The following KNDC1 variants were observed in gnomAD, a reference collection of about 807,000 sequenced individuals.
The protein encoded by KNDC1 is kinase non-catalytic C-lobe domain containing 1, also known as kinase non-catalytic C-lobe domain-containing protein 1.
KNDC1 carries 106 observed loss-of-function variants against 172.8 expected under a neutral mutation model. That is an observed-to-expected ratio of 0.61 (90% CI 0.52 to 0.72). KNDC1 has a LOEUF of 0.72. Among genes scored for constraint, KNDC1 ranks in the 30% least tolerant of loss-of-function variants. The pLI is 0.00. For synonymous variants in KNDC1, 1,083 were observed against 1,062.2 expected (o/e 1.02, Z -0.38); for missense variants, 2,325 against 2,394.5 (o/e 0.97, Z 0.61).
intron 9 of KNDC1, among the ~76,000 whole-genome samples, chr10:133,193,327 C>T (rs1469812061): frequency 6.6e-6 from 1 of 152,186 alleles, no homozygotes; most frequent in Non-Finnish European, 1.5e-5. Flanking sequence ...GAGTTTGAGA[C>T]CAGCCTGGCC....
chr10:133,188,692 C>A, intron 7 of KNDC1, 39 bp downstream of exon 7: 1 of 1,057,922 alleles, frequency 9.5e-7, no homozygotes. Flanking sequence ...GCCGTCCCCA[C>A]CCCCCACTGC....
Position 133,218,964 on chromosome 10 carries a change from C to G in KNDC1, c.4800+11C>G, listed in dbSNP as rs771905104. The stretch of plus-strand genomic sequence containing the variant: ...GTGAGGCAGTCCCCTGTGCGTCCCC[C>G]TCGGGCCCCAAGGCGGGGGTGGGTA... On this transcript the variant is annotated intron_variant, in intron 27 of 29. Coordinates refer to ENST00000304613, the MANE Select transcript of KNDC1 (RefSeq NM_152643.8). The G allele has an allele frequency of 1.2e-6, 2 of 1,613,762 alleles. No individual in the cohort carries two copies. The highest frequency in any genetic ancestry group is 1.7e-6 in the Non-Finnish European group (2 of 1,179,896).
In KNDC1 at chr10:133,224,655, G is replaced by T. The variant is rs1490357969; in HGVS notation, c.5019-4G>T. On this transcript the variant is annotated splice_region_variant and splice_polypyrimidine_tract_variant and intron_variant, in intron 29 of 29. Transcript: ENST00000304613. This position sits in a 1 kb window ranked among gnomAD's most constrained non-coding sequence, Gnocchi z 5.4. ...ACTAACGTCTCTTCTTTCCTCAACG[G>T]AAGGAACATCGCAAAGGTGGTGAGC... is the stretch of plus-strand genomic sequence containing the variant. 3 of 1,612,984 alleles carry T rather than the reference G, an allele frequency of 1.9e-6. No individual in the cohort carries two copies. The African/African-American group carries it at 4.0e-5, about 22-fold the overall frequency.
At chr10:133,186,775 T>C (rs1426851103) in intron 6 of KNDC1, 101 bp downstream of exon 6, 9 of 805,740 alleles carry the variant, frequency 1.1e-5, no homozygotes, top group Non-Finnish European at 1.7e-5. Context: ...ACTCAGAGAA[T>C]TAACCTTCAC....
intron 1 of KNDC1, among the ~76,000 whole-genome samples, chr10:133,164,584 C>G (rs929971443): frequency 5.9e-5 from 9 of 152,348 alleles, no homozygotes; most frequent in Admixed American, 3.3e-4. Flanking sequence ...GCCCATTAAA[C>G]TCCTGTCGAG....
intron 26 of KNDC1, among the ~76,000 whole-genome samples, chr10:133,218,222 G>T (rs1042171894): frequency 6.6e-6 from 1 of 152,234 alleles, no homozygotes; most frequent in Non-Finnish European, 1.5e-5. Flanking sequence ...TGAAGCCCTG[G>T]AAGTGGATCC....
rs928294457 is a variant in KNDC1 at position 133,209,892 on chromosome 10, C to T, written c.3795-719C>T. ...TTCCTGACCGTGGCCGTCGGGCTCC[C>T]AGGACAGTCCCAGACCTGCAGGCGG... is the stretch of plus-strand genomic sequence containing the variant. On this transcript the variant is annotated intron_variant, in intron 20 of 29. Coordinates refer to ENST00000304613, the MANE Select transcript of KNDC1 (RefSeq NM_152643.8). This position sits in a 1 kb window ranked among gnomAD's most constrained non-coding sequence, Gnocchi z 4.9. 5.9e-5 allele frequency among the ~76,000 whole-genome samples: 9 copies of T among 152,094 alleles called. No homozygotes were observed. Among genetic ancestry groups the T allele is most frequent in the African/African-American group, 2.2e-4 (9 of 41,384 alleles).
chr10:133,176,190 G>A (rs996364153), intron 3 of KNDC1, among the ~76,000 whole-genome samples: 2 of 151,870 alleles, frequency 1.3e-5, no homozygotes, highest in African/African-American at 4.8e-5. Context: ...ATAGATGGGT[G>A]GGTGGATGTG....
At chr10:133,165,906 C>A (rs1313766082) in intron 1 of KNDC1, among the ~76,000 whole-genome samples, 1 of 152,124 alleles carries the variant, frequency 6.6e-6, no homozygotes, top group Non-Finnish European at 1.5e-5. Flanking sequence ...GCTGGAAGGG[C>A]CTGGGAAATG....
intron 3 of KNDC1, among the ~76,000 whole-genome samples, chr10:133,178,331 G>A (rs1405739497): frequency 6.6e-6 from 1 of 152,202 alleles, no homozygotes; most frequent in African/African-American, 2.4e-5. Flanking sequence ...GCTTTCAGTG[G>A]ATAGTGCTTT....
intron 28 of KNDC1, 89 bp from the exon 29 acceptor site, chr10:133,219,866 G>A: frequency 7.5e-7 from 1 of 1,327,404 alleles, no homozygotes. Flanking sequence ...GACCCGCTGG[G>A]ACTGGTTGGG....
chr10:133,196,910 T>C (rs1854207674), intron 10 of KNDC1, 148 bp from the exon 11 acceptor site: 7 of 638,252 alleles, frequency 1.1e-5, no homozygotes, highest in Admixed American at 2.6e-5. Flanking sequence ...GAAAGGCTTG[T>C]CCGGGGCCTG....
chr10:133,206,924 T>C lies in KNDC1; in HGVS notation c.3550T>C (p.Phe1184Leu). 2 of 1,614,000 alleles carry C rather than the reference T, an allele frequency of 1.2e-6. No individual in the cohort carries two copies. Among genetic ancestry groups the C allele is most frequent in the Non-Finnish European group, 1.7e-6 (2 of 1,179,988 alleles). Residue 1184 changes from phenylalanine to leucine, a missense_variant, in exon 19 of 30, where the codon TTC (phenylalanine) becomes CTC (leucine). Physicochemically the swap from Phe to Leu is conservative, Grantham distance 22 (BLOSUM62 0). Coordinates refer to ENST00000304613, the MANE Select transcript of KNDC1 (RefSeq NM_152643.8). ...QLEEMKSRVQ[F>L]LSLVKKYLQV... is the part of the protein sequence containing the mutation. ...AGAAGAAATGAAATCCAGGGTGCAA[T>C]TCCTCAGCTTGGTCAAGAAGTATCT...
chr10:133,220,993 C>A (rs1189209494), intron 29 of KNDC1, among the ~76,000 whole-genome samples: 1 of 152,120 alleles, frequency 6.6e-6, no homozygotes, highest in East Asian at 1.9e-4. Context: ...CCAAGATAAC[C>A]TCCAGCCACC....
chr10:133,195,216 C>T (rs950269313), intron 9 of KNDC1, among the ~76,000 whole-genome samples: 3 of 152,200 alleles, frequency 2.0e-5, no homozygotes, highest in Non-Finnish European at 4.4e-5. Context: ...TGCACACAGG[C>T]GGTGTGTTCG....
At chr10:133,200,578 C>G (rs1029462305) in intron 16 of KNDC1, 118 bp downstream of exon 16, 5 of 735,838 alleles carry the variant, frequency 6.8e-6, no homozygotes, top group Non-Finnish European at 9.5e-6. Flanking sequence ...TCCAGCGGGG[C>G]TGCCTTTGCC....
At chr10:133,210,228 C>T (rs1053073164) in intron 20 of KNDC1, among the ~76,000 whole-genome samples, 3 of 151,774 alleles carry the variant, frequency 2.0e-5, no homozygotes, top group African/African-American at 7.3e-5. Context: ...TCTACTAAAA[C>T]ACAAAAATCA....
rs1437545707 is a variant in KNDC1 at position 133,210,684 on chromosome 10, C to G, written c.3868C>G (p.Leu1290Val). 2 of 1,613,988 alleles carry G rather than the reference C, an allele frequency of 1.2e-6. No individual in the cohort carries two copies. Among genetic ancestry groups the G allele is most frequent in the Non-Finnish European group, 1.7e-6 (2 of 1,179,928 alleles). ...CTACTTCTGCACACCCCACGACTTCCTGCACTTCCTCCTCGACCGCATCAA... is the reference window on the plus strand; with the variant it reads ...CTACTTCTGCACACCCCACGACTTCGTGCACTTCCTCCTCGACCGCATCAA... ...FRYFCTPHDF[L>V]HFLLDRINST... The change falls in exon 21 of 30, where the codon CTG becomes GTG. Residue 1290 changes from leucine to valine, a missense_variant. Leu to Val is a conservative substitution (Grantham distance 32, BLOSUM62 1). Transcript: ENST00000304613.
chr10:133,178,526 CG>C, intron 3 of KNDC1, among the ~76,000 whole-genome samples: 1 of 152,212 alleles, frequency 6.6e-6, no homozygotes, highest in East Asian at 1.9e-4. Context: ...CGGCCACGCT[CG>C]GAAACGTTCA....
Sources: allele counts gnomAD v4.1 joint callset (sites outside exome capture counted in the v4.1 genomes callset), GRCh38; gene constraint gnomAD v4.1.1; non-coding constraint Gnocchi (gnomAD v3.1); transcripts MANE v1.5; gene names NCBI Gene and HGNC (gene_info 2026-07-23, HGNC 2026-07-21).